The following PTPRS variants were observed in gnomAD, a reference collection of about 807,000 sequenced individuals.
PTPRS encodes receptor-type tyrosine-protein phosphatase S.
In PTPRS, 63 loss-of-function variants were observed where a neutral mutation model predicts 215.3. The observed-to-expected ratio is 0.29, with a 90% confidence interval of 0.24 to 0.36. The LOEUF (loss-of-function observed/expected upper bound fraction) is 0.36. PTPRS is among the 10% of genes least tolerant of loss of function. The pLI is 1.00. For missense variants in PTPRS, 2,258 were observed against 2,825.8 expected (o/e 0.80, Z 4.56); for synonymous variants, 1,404 against 1,191.4 (o/e 1.18, Z -3.68).
intron 19 of PTPRS, 144 bp from the exon 20 acceptor site, chr19:5,221,397 CTGAT>C: frequency 8.8e-7 from 1 of 1,134,674 alleles, no homozygotes; most frequent in Non-Finnish European, 1.2e-6. Context: ...TGACTGATCC[CTGAT>C]CCCAGGCTGA....
rs1390604937 is a variant in PTPRS, at chr19:5,210,816, T to C, written c.5235-11A>G. The C allele has an allele frequency of 1.9e-6, 3 of 1,612,534 alleles. No individual in the cohort carries two copies. ...TAGGCCTTCTGCTGCCTGCAGGCGTTGGGGGTATGAGCCCAGGGCCGGCAG... is the reference window on the plus strand; with the variant it reads ...TAGGCCTTCTGCTGCCTGCAGGCGTCGGGGGTATGAGCCCAGGGCCGGCAG... On this transcript the variant is annotated splice_polypyrimidine_tract_variant and intron_variant, in intron 33 of 37. Transcript: ENST00000262963. This position sits in a 1 kb window ranked among gnomAD's most constrained non-coding sequence, Gnocchi z 4.5.
chr19:5,261,753 C>G (rs2046011463), intron 6 of PTPRS, among the ~76,000 whole-genome samples: 1 of 152,218 alleles, frequency 6.6e-6, no homozygotes, highest in Non-Finnish European at 1.5e-5. Flanking sequence ...GGCACTGAGC[C>G]TAGCTCTCCA....
intron 4 of PTPRS, among the ~76,000 whole-genome samples, chr19:5,268,200 A>G (rs1294560432): frequency 6.6e-6 from 1 of 152,076 alleles, no homozygotes; most frequent in Non-Finnish European, 1.5e-5. Flanking sequence ...TTAATTAATT[A>G]ATTAAATAAA....
At chr19:5,301,658 T>C (rs1385936389) in intron 1 of PTPRS, among the ~76,000 whole-genome samples, 1 of 152,006 alleles carries the variant, frequency 6.6e-6, no homozygotes, top group Non-Finnish European at 1.5e-5. Flanking sequence ...CTCTGCAAGA[T>C]GCCTGCTGGT....
In PTPRS at chr19:5,258,122, G is replaced by A. The variant is rs181611270; in HGVS notation, c.601C>T (p.Leu201=). The change falls in exon 8 of 38, where the codon CTG becomes TTG. Residue 201 remains leucine, a synonymous_variant. Transcript: ENST00000262963. ...GTTTCCTCACTGCTTTCAATCTGCA[G>A]GGCTCCTGTGGGAAGATGGGAAAAA... The part of the protein sequence containing the change: ...TFESTPIRGA[L]QIESSEETDQ... The A allele has an allele frequency of 1.3e-5, 21 of 1,613,802 alleles. No homozygotes were observed. In the East Asian group the frequency reaches 1.8e-4, roughly 14 times the overall value.
chr19:5,326,814 GAAGTA>G (rs2050181484), intron 1 of PTPRS, among the ~76,000 whole-genome samples: 1 of 151,380 alleles, frequency 6.6e-6, no homozygotes, highest in Admixed American at 6.6e-5. Flanking sequence ...AGGGAGGATA[GAAGTA>G]AAGAAAGAAC....
At chr19:5,268,998 G>A (rs935921931) in intron 4 of PTPRS, among the ~76,000 whole-genome samples, 30 of 152,194 alleles carry the variant, frequency 2.0e-4, no homozygotes, top group African/African-American at 7.2e-4. Context: ...GGCTCTGATT[G>A]GCTACTGATG....
intron 1 of PTPRS, among the ~76,000 whole-genome samples, chr19:5,336,269 G>T (rs1258133434): frequency 7.2e-6 from 1 of 138,148 alleles, no homozygotes; most frequent in Non-Finnish European, 1.6e-5. Context: ...GAAAAGGGGG[G>T]GGGGCGGGGG....
In PTPRS at chr19:5,220,029, C is replaced by G. The variant is rs779435853; in HGVS notation, c.3675G>C (p.Gln1225His). Residue 1225 changes from glutamine to histidine, a missense_variant, in exon 22 of 38, where the codon CAG (glutamine) becomes CAC (histidine). Coordinates refer to ENST00000262963, the MANE Select transcript of PTPRS (RefSeq NM_002850.4). ...GGTTATCGAAGCCGCCATACTGCTT[C>G]TGGTCGCCGGGATGGAACGTGGGTG... is the stretch of plus-strand genomic sequence containing the variant. ...VLPPTFHPGD[Q>H]KQYGGFDNRG... The G allele has an allele frequency of 6.2e-7, 1 of 1,613,982 alleles. No homozygotes were observed. The highest frequency in any genetic ancestry group is 8.5e-7 in the Non-Finnish European group (1 of 1,180,058).
chr19:5,307,088 T>C (rs1181409869), intron 1 of PTPRS, among the ~76,000 whole-genome samples: 1 of 152,200 alleles, frequency 6.6e-6, no homozygotes, highest in Non-Finnish European at 1.5e-5. Flanking sequence ...GAAGATCACC[T>C]GAGGTCAAGA....
Position 5,222,283 on chromosome 19 carries a change from G to A in PTPRS, c.3104-63C>T. 5.0e-6 allele frequency: 7 copies of A among 1,404,424 alleles called. No homozygotes were observed. The South Asian group carries it at 5.8e-5, about 12-fold the overall frequency. The allele number at this position is 1,404,424 out of a possible 1,614,324, so 87.0% of individuals were successfully genotyped here. On this transcript the variant is annotated intron_variant, in intron 18 of 37. Transcript: ENST00000262963. ...AGAGGCCCCATGAGTGCCTGGCACTGGGTGGCGTGAAGCGGGGTGGGGTGG... is the reference window on the plus strand; with the variant it reads ...AGAGGCCCCATGAGTGCCTGGCACTAGGTGGCGTGAAGCGGGGTGGGGTGG...
rs746829913 is a variant in PTPRS at position 5,220,324 on chromosome 19, C to T, written c.3485G>A (p.Arg1162His). The change falls in exon 21 of 38, where the codon CGC becomes CAC. Residue 1162 changes from arginine (R) to histidine (H), a missense_variant. Physicochemically the swap from Arg to His is conservative, Grantham distance 29. Transcript: ENST00000262963. ...QSYFIVMVPL[R>H]KSRGGQFLTP... Reference sequence around the variant, plus strand: ...CAGGAATTGGCCTCCACGAGACTTGCGCAGTGGCACCATCACAATGAAATA... The same window carrying T: ...CAGGAATTGGCCTCCACGAGACTTGTGCAGTGGCACCATCACAATGAAATA... The T allele has an allele frequency of 7.4e-6, 12 of 1,613,844 alleles. No homozygotes were observed. Among genetic ancestry groups the T allele is most frequent in the East Asian group, 4.5e-5 (2 of 44,868 alleles).
chr19:5,308,258 A>G (rs1042513895), intron 1 of PTPRS, among the ~76,000 whole-genome samples: 6 of 152,212 alleles, frequency 3.9e-5, no homozygotes, highest in African/African-American at 1.2e-4. Flanking sequence ...CACACTTCAA[A>G]CAGTTTTGCT....
At chr19:5,229,290 G>C in intron 16 of PTPRS, 26 bp downstream of exon 16, 1 of 1,379,184 alleles carries the variant, frequency 7.3e-7, no homozygotes, top group African/African-American at 1.5e-5. Context: ...CACAGCAGTA[G>C]GTGGGTGGCC....
At chr19:5,212,312 A>G (rs761361804) in intron 31 of PTPRS, 25 bp downstream of exon 31, 1 of 1,610,752 alleles carries the variant, frequency 6.2e-7, no homozygotes, top group South Asian at 1.1e-5. Flanking sequence ...GGGGAAGCGG[A>G]TGGGGCAGAG....
chr19:5,265,873 C>T (rs566872297), intron 4 of PTPRS, among the ~76,000 whole-genome samples: 1 of 152,204 alleles, frequency 6.6e-6, no homozygotes, highest in Non-Finnish European at 1.5e-5. Flanking sequence ...CAAACCTGGC[C>T]CCAAGGTCCA....
chr19:5,273,273 C>T, intron 4 of PTPRS, 169 bp downstream of exon 4: 1 of 813,928 alleles, frequency 1.2e-6, no homozygotes, highest in South Asian at 1.6e-5. Context: ...AAATCCCCAC[C>T]AGTAGGCGCT....
chr19:5,208,543 G>A (rs767795465), intron 35 of PTPRS, 152 bp from the exon 36 acceptor site: 13 of 748,454 alleles, frequency 1.7e-5, no homozygotes, highest in South Asian at 5.0e-5. Flanking sequence ...GTGCAATGGC[G>A]TGATCTCGGC....
chr19:5,211,943 G>A (rs763918266), intron 32 of PTPRS, 22 bp downstream of exon 32: 1 of 1,564,958 alleles, frequency 6.4e-7, no homozygotes. Context: ...CCCGCCCACA[G>A]CAGCCTCCAC....
Sources: allele counts gnomAD v4.1 joint callset (sites outside exome capture counted in the v4.1 genomes callset), GRCh38; gene constraint gnomAD v4.1.1; non-coding constraint Gnocchi (gnomAD v3.1); transcripts MANE v1.5; gene names NCBI Gene and HGNC (gene_info 2026-07-23, HGNC 2026-07-21).